TFEC: variants seen among roughly 807,000 people sequenced by gnomAD.
The protein encoded by TFEC is class E basic helix-loop-helix protein 34.
Under a neutral mutation model 41.6 loss-of-function variants are expected in TFEC, and 31 were observed. The ratio of observed to expected loss-of-function variants is 0.74; its 90% confidence interval spans 0.56 to 1.01. The LOEUF is 1.01. TFEC is among the 50% of genes least tolerant of loss of function. The probability of loss-of-function intolerance (pLI) is 0.00; values close to 1 mark genes in which losing one functional copy is unlikely to be tolerated. For synonymous variants in TFEC, 143 were observed against 140.6 expected, an observed-to-expected ratio of 1.02 and a Z score of -0.12; for missense variants, 402 against 404.1, an observed-to-expected ratio of 0.99 and a Z score of 0.04.
chr7:116,112,529 T>G lies in TFEC; in HGVS notation c.-68-491A>C, dbSNP rs568252091. Among the ~76,000 whole-genome samples, 4 of 152,106 alleles carry G rather than the reference T, an allele frequency of 2.6e-5. No individual in the cohort carries two copies. The East Asian group carries it at 7.7e-4, about 29-fold the overall frequency. ...TTAATTGGTTGTTTGGCTAACTGAT[T>G]ATAGCTGTACACATGACAATTGGTG... On this transcript the variant is annotated intron_variant, in intron 1 of 8. Coordinates refer to the TFEC transcript ENST00000484212.
chr7:115,981,996 TG>T (rs1035920256), intron 2 of TFEC, among the ~76,000 whole-genome samples: 2 of 152,204 alleles, frequency 1.3e-5, no homozygotes, highest in Non-Finnish European at 2.9e-5. Flanking sequence ...AAGTTTGAAT[TG>T]TATCTCAGAA....
intron 3 of TFEC, among the ~76,000 whole-genome samples, chr7:115,958,934 G>T (rs1333794512): frequency 6.6e-6 from 1 of 151,774 alleles, no homozygotes; most frequent in Non-Finnish European, 1.5e-5. Flanking sequence ...ATTAAAAGAT[G>T]TAAGAGTCCA....
intron 6 of TFEC, among the ~76,000 whole-genome samples, chr7:115,944,869 G>A (rs1368419191): frequency 6.6e-6 from 1 of 150,940 alleles, no homozygotes; most frequent in Non-Finnish European, 1.5e-5. Context: ...ATTTCACAGG[G>A]CTTTCCTATT....
chr7:115,964,217 G>C (rs1792724391), intron 3 of TFEC, among the ~76,000 whole-genome samples: 1 of 151,496 alleles, frequency 6.6e-6, no homozygotes, highest in African/African-American at 2.4e-5. Context: ...ATTAATAGTG[G>C]TAATCGTATT....
In TFEC at chr7:116,039,421, C is replaced by CTGTGTG. The variant is rs140778741; in HGVS notation, c.199-54914_199-54909dup. On this transcript the variant is annotated intron_variant, in intron 3 of 8. Transcript: ENST00000484212. ...ATAAAAACTAAAACAAAAGAAAATT[C>CTGTGTG]TGTGTGTGTGTGTGTGTGTGTGTGT... 2.0e-3 allele frequency among the ~76,000 whole-genome samples: 285 copies of CTGTGTG among 144,334 alleles called. 1 individual carries two copies. The highest frequency in any genetic ancestry group is 0.01 in the Middle Eastern group (3 of 288). The allele number at this position is 144,334 out of a possible 152,430, so 94.7% of individuals were successfully genotyped here. A position where few individuals can be genotyped will look rare whatever the true frequency, so the allele number is the denominator to read the frequency against.
chr7:116,131,124 GCAGCAAATTTTTAAA>G (rs1250528902), intron 1 of TFEC, among the ~76,000 whole-genome samples: 2 of 152,088 alleles, frequency 1.3e-5, no homozygotes, highest in Non-Finnish European at 2.9e-5. Context: ...TGCCTTATGT[GCAGCAAATTTTTAAA>G]AGTAAGTTGA....
chr7:116,127,373 G>A (rs1164333591), intron 1 of TFEC, among the ~76,000 whole-genome samples: 2 of 151,936 alleles, frequency 1.3e-5, no homozygotes, highest in Non-Finnish European at 2.9e-5. Flanking sequence ...GTGAGCCACC[G>A]CGCCCAGCCT....
chr7:116,150,075 G>A (rs1340768829), intron 1 of TFEC, among the ~76,000 whole-genome samples: 6 of 151,946 alleles, frequency 3.9e-5, no homozygotes, highest in Non-Finnish European at 7.4e-5. Context: ...TGTTTCTGTT[G>A]GCTTTTAACC....
chr7:116,141,757 T>C (rs1798545985), intron 1 of TFEC, among the ~76,000 whole-genome samples: 1 of 152,166 alleles, frequency 6.6e-6, no homozygotes, highest in African/African-American at 2.4e-5. Flanking sequence ...TTTTACATGA[T>C]TTTTAGGGAG....
chr7:116,010,826 T>C (rs2130813029), intron 1 of TFEC, among the ~76,000 whole-genome samples: 1 of 152,322 alleles, frequency 6.6e-6, no homozygotes, highest in East Asian at 1.9e-4. Flanking sequence ...CGTGTTACAC[T>C]GTCAGGTAAG....
intron 3 of TFEC, among the ~76,000 whole-genome samples, chr7:116,056,483 G>T (rs1468726519): frequency 6.6e-6 from 1 of 152,148 alleles, no homozygotes; most frequent in East Asian, 1.9e-4. Flanking sequence ...CACTCAAAAT[G>T]ACTAGAGGTG....
chr7:116,067,293 T>C (rs1796716399), intron 3 of TFEC, among the ~76,000 whole-genome samples: 1 of 152,044 alleles, frequency 6.6e-6, no homozygotes, highest in South Asian at 2.1e-4. Context: ...TTTCCATGTC[T>C]AAGGCAGAAA....
chr7:116,073,134 T>C (rs1315349237), intron 3 of TFEC, among the ~76,000 whole-genome samples: 2 of 151,626 alleles, frequency 1.3e-5, no homozygotes, highest in African/African-American at 2.4e-5. Context: ...TAAATGAGTT[T>C]AACAAGACTG....
At chr7:115,957,444 C>A (rs1237451308) in intron 3 of TFEC, among the ~76,000 whole-genome samples, 1 of 151,884 alleles carries the variant, frequency 6.6e-6, no homozygotes, top group Non-Finnish European at 1.5e-5. Context: ...AGCAACACTG[C>A]AATTCTTGAA....
At chr7:115,956,641 T>TA in intron 4 of TFEC, 38 bp downstream of exon 4, 1 of 1,468,164 alleles carries the variant, frequency 6.8e-7, no homozygotes, top group Non-Finnish European at 9.4e-7. Context: ...ATGTCATTAA[T>TA]AAAAATAAAA....
At chr7:116,080,340 A>T (rs915340859) in intron 3 of TFEC, among the ~76,000 whole-genome samples, 1 of 152,164 alleles carries the variant, frequency 6.6e-6, no homozygotes, top group African/African-American at 2.4e-5. Context: ...TAAACTAAAA[A>T]GCTTCTGCAC....
At chr7:116,065,748 AAAG>A (rs1482601365) in intron 3 of TFEC, among the ~76,000 whole-genome samples, 2 of 152,146 alleles carry the variant, frequency 1.3e-5, no homozygotes, top group African/African-American at 4.8e-5. Context: ...ATGGGAACGA[AAAG>A]AAGAATTTAT....
chr7:116,003,248 AT>A (rs991748644), intron 1 of TFEC, among the ~76,000 whole-genome samples: 7 of 75,014 alleles, frequency 9.3e-5, no homozygotes, highest in Non-Finnish European at 1.4e-4. Context: ...TAAACTTTAA[AT>A]TTAAAAAAAA....
upstream of TFEC, among the ~76,000 whole-genome samples, chr7:116,031,428 T>C (rs926679060): frequency 5.2e-4 from 79 of 152,258 alleles, 1 homozygote; most frequent in African/African-American, 1.7e-3. Flanking sequence ...TACTCATGCC[T>C]TTACCAATGT....
Sources: allele counts gnomAD v4.1 joint callset (sites outside exome capture counted in the v4.1 genomes callset), GRCh38; gene constraint gnomAD v4.1.1; transcripts MANE v1.5; gene names NCBI Gene and HGNC (gene_info 2026-07-23, HGNC 2026-07-21).